The following PDE10A variants were observed in gnomAD, a reference collection of about 807,000 sequenced individuals.
PDE10A encodes phosphodiesterase 10A.
Under a neutral mutation model 97.7 loss-of-function variants are expected in PDE10A, and 39 were observed. The observed-to-expected ratio is 0.40, with a 90% confidence interval of 0.31 to 0.52. The LOEUF (loss-of-function observed/expected upper bound fraction) is 0.52, where lower values mean the gene tolerates loss of function less well. Ranked by LOEUF, PDE10A falls within the 20% of genes least tolerant of loss-of-function variation. The probability of loss-of-function intolerance (pLI) is 0.56; values close to 1 mark genes in which losing one functional copy is unlikely to be tolerated. For synonymous variants in PDE10A, 371 were observed against 376.8 expected (o/e 0.98, Z 0.18); for missense variants, 731 against 1,047.8 (o/e 0.70, Z 4.17).
intron 1 of PDE10A, among the ~76,000 whole-genome samples, chr6:165,602,712 A>G (rs1177237869): frequency 1.3e-5 from 2 of 152,194 alleles, no homozygotes; most frequent in African/African-American, 4.8e-5. Flanking sequence ...AAGTCCCACA[A>G]AAATCCAGTG....
At chr6:165,603,520 A>G (rs932924317) in intron 1 of PDE10A, among the ~76,000 whole-genome samples, 9 of 152,232 alleles carry the variant, frequency 5.9e-5, no homozygotes, top group African/African-American at 2.2e-4. Context: ...AACAGAGGGA[A>G]GTCTTCCCGA....
chr6:165,489,342 TAA>T (rs1780094659), intron 2 of PDE10A, among the ~76,000 whole-genome samples: 1 of 152,066 alleles, frequency 6.6e-6, no homozygotes, highest in Non-Finnish European at 1.5e-5. Context: ...ATTCAGAAGA[TAA>T]ATAATAATTG....
chr6:165,770,471 T>A (rs1180928692), intron 1 of PDE10A, among the ~76,000 whole-genome samples: 1 of 152,226 alleles, frequency 6.6e-6, no homozygotes, highest in African/African-American at 2.4e-5. Context: ...GGATGTTCCC[T>A]ATATACAGTC....
chr6:165,642,828 C>T (rs1324795829), intron 1 of PDE10A, among the ~76,000 whole-genome samples: 1 of 152,214 alleles, frequency 6.6e-6, no homozygotes, highest in African/African-American at 2.4e-5. Context: ...AAAGAACGTG[C>T]GTCCCATCAC....
At chr6:165,539,989 G>A (rs1783332184) in intron 2 of PDE10A, among the ~76,000 whole-genome samples, 1 of 152,044 alleles carries the variant, frequency 6.6e-6, no homozygotes. Flanking sequence ...TGAGTATGAG[G>A]GACAGAAGCA....
At chr6:165,738,717 A>G (rs1321242754) in intron 1 of PDE10A, among the ~76,000 whole-genome samples, 5 of 152,076 alleles carry the variant, frequency 3.3e-5, no homozygotes, top group Non-Finnish European at 5.9e-5. Context: ...AACTGGTGTG[A>G]GATGATATCT....
At chr6:165,377,646 C>T (rs1477546120) in intron 18 of PDE10A, among the ~76,000 whole-genome samples, 2 of 151,724 alleles carry the variant, frequency 1.3e-5, no homozygotes, top group South Asian at 4.1e-4. Flanking sequence ...TATTTACAAC[C>T]CCAGAAGAAA....
chr6:165,945,129 G>T (rs930023604), intron 1 of PDE10A, among the ~76,000 whole-genome samples: 9 of 152,192 alleles, frequency 5.9e-5, no homozygotes, highest in Admixed American at 2.0e-4. Context: ...AGACATTGCA[G>T]CTTCTGACTT....
At chr6:165,499,344 T>TA (rs1245638422) in intron 2 of PDE10A, among the ~76,000 whole-genome samples, 1 of 152,210 alleles carries the variant, frequency 6.6e-6, no homozygotes, top group African/African-American at 2.4e-5. Context: ...ACACTGGACA[T>TA]ACGTTTTATT....
At chr6:165,580,554 A>T (rs1785554936) in intron 1 of PDE10A, among the ~76,000 whole-genome samples, 1 of 152,256 alleles carries the variant, frequency 6.6e-6, no homozygotes, top group Admixed American at 6.5e-5. Context: ...AGGAAAAAGT[A>T]ATGTGCATAT....
At chr6:165,503,214 C>A (rs537569903) in intron 2 of PDE10A, among the ~76,000 whole-genome samples, 4 of 152,234 alleles carry the variant, frequency 2.6e-5, no homozygotes, top group Admixed American at 2.6e-4. Context: ...TGTCCCTCAT[C>A]CCCTCCATTC....
chr6:165,392,810 A>G lies in PDE10A; in HGVS notation c.2304-14T>C. 2.5e-6 allele frequency: 4 copies of G among 1,612,830 alleles called. No individual in the cohort carries two copies. The South Asian group carries it at 4.4e-5, about 18-fold the overall frequency. Reference sequence around the variant, plus strand: ...TCAAGCTCAAAGCTGCATGGAAAAGAAATTGTTATGACTGAAACCAGTAGA... The same window carrying G: ...TCAAGCTCAAAGCTGCATGGAAAAGGAATTGTTATGACTGAAACCAGTAGA... On this transcript the variant is annotated splice_polypyrimidine_tract_variant and intron_variant, in intron 15 of 21. Transcript: ENST00000539869.
At chr6:165,635,019 TGC>T (rs1788808719) in intron 1 of PDE10A, among the ~76,000 whole-genome samples, 3 of 152,204 alleles carry the variant, frequency 2.0e-5, no homozygotes, top group African/African-American at 7.2e-5. Context: ...TCCTCCAGGT[TGC>T]CAATGAAATA....
intron 1 of PDE10A, among the ~76,000 whole-genome samples, chr6:165,844,216 G>A (rs934072768): frequency 6.6e-6 from 1 of 152,188 alleles, no homozygotes. Context: ...CATGGTTTGG[G>A]CTGTAGAGTT....
chr6:165,806,660 G>A (rs1404448171), intron 1 of PDE10A, among the ~76,000 whole-genome samples: 1 of 145,564 alleles, frequency 6.9e-6, no homozygotes, highest in African/African-American at 2.5e-5. Context: ...CCCCCCCCCA[G>A]GCTCTTCTTT....
chr6:165,907,428 C>G (rs989709401), intron 1 of PDE10A, among the ~76,000 whole-genome samples: 1 of 152,238 alleles, frequency 6.6e-6, no homozygotes, highest in African/African-American at 2.4e-5. Flanking sequence ...GTTGCTGGAA[C>G]TGGATTCAGG....
intron 1 of PDE10A, among the ~76,000 whole-genome samples, chr6:165,905,344 ATTG>A (rs1782230880): frequency 1.3e-5 from 2 of 152,148 alleles, no homozygotes; most frequent in South Asian, 4.1e-4. Context: ...ACAATATTAA[ATTG>A]TTATTTCTAG....
At chr6:165,514,809 T>C (rs1781701051) in intron 2 of PDE10A, among the ~76,000 whole-genome samples, 2 of 152,126 alleles carry the variant, frequency 1.3e-5, no homozygotes, top group African/African-American at 4.8e-5. Context: ...ATGCCCACAG[T>C]TTTTACTGCA....
Position 165,543,541 on chromosome 6 carries a change from T to C in PDE10A, c.893A>G (p.Tyr298Cys). ...PSLTDEKVKA[Y>C]LSLHPQVLDE... ...TAATACCTGGGGGTGAAGAGAAAGA[T>C]ATGCCTTCACTTTTTCATCTGTCAA... Residue 298 changes from tyrosine (Y) to cysteine (C), a missense_variant, in exon 2 of 22, where the codon TAT (tyrosine) becomes TGT (cysteine). Physicochemically the swap from Tyr to Cys is radical, Grantham distance 194. Transcript: ENST00000539869. 1 of 1,611,350 alleles carries C rather than the reference T, an allele frequency of 6.2e-7. No homozygotes were observed. The highest frequency in any genetic ancestry group is 8.5e-7 in the Non-Finnish European group (1 of 1,178,382).
Sources: gnomAD v4.1 joint callset for allele counts (sites outside exome capture counted in the v4.1 genomes callset) on GRCh38, gnomAD v4.1.1 for gene constraint, MANE v1.5 for transcripts, NCBI Gene and HGNC (gene_info 2026-07-23, HGNC 2026-07-21) for gene names.